ABCA13: variants seen among roughly 807,000 people sequenced by gnomAD.
The protein encoded by ABCA13 is ATP-binding cassette sub-family A member 13.
A neutral mutation model predicts 478.7 loss-of-function variants in ABCA13; 476 were observed. That is an observed-to-expected ratio of 0.99 (90% confidence interval 0.92 to 1.07). The LOEUF (loss-of-function observed/expected upper bound fraction) is 1.07, where lower values mean the gene tolerates loss of function less well. Ranked by LOEUF, ABCA13 falls within the 50% of genes least tolerant of loss-of-function variation. ABCA13 has a pLI of 0.00. For synonymous variants in ABCA13, 2,252 were observed against 2,158.9 expected (o/e 1.04, Z -1.20); for missense variants, 6,060 against 5,910.6 (o/e 1.03, Z -0.83).
chr7:48,241,417 C>G (rs1273952005), intron 10 of ABCA13, among the ~76,000 whole-genome samples: 3 of 152,214 alleles, frequency 2.0e-5, no homozygotes, highest in Admixed American at 6.5e-5. Context: ...ATGAGTAGCT[C>G]TTTTCCTAGA....
At chr7:48,639,355 A>AT (rs1794931113) in intron 59 of ABCA13, among the ~76,000 whole-genome samples, 1 of 152,190 alleles carries the variant, frequency 6.6e-6, no homozygotes, top group Non-Finnish European at 1.5e-5. Flanking sequence ...GATCACTGGA[A>AT]TTTGGTACTT....
At chr7:48,178,003 C>T (rs529965972) in intron 1 of ABCA13, among the ~76,000 whole-genome samples, 13 of 152,106 alleles carry the variant, frequency 8.5e-5, no homozygotes, top group Non-Finnish European at 1.3e-4. Flanking sequence ...GTTCAGAAAC[C>T]GAATTAATAA....
intron 1 of ABCA13, among the ~76,000 whole-genome samples, chr7:48,189,408 A>G (rs1025209007): frequency 6.6e-6 from 1 of 152,240 alleles, no homozygotes; most frequent in Non-Finnish European, 1.5e-5. Context: ...GTGTCTGGCT[A>G]CTTTTCTCTT....
intron 55 of ABCA13, among the ~76,000 whole-genome samples, chr7:48,533,251 G>T (rs6971823): frequency 0.067 from 10,258 of 152,002 alleles, 444 homozygotes; most frequent in African/African-American, 0.12. Context: ...TTTCATTGTT[G>T]ACCCAATGAT....
intron 55 of ABCA13, among the ~76,000 whole-genome samples, chr7:48,536,150 A>G (rs1000252386): frequency 2.0e-5 from 3 of 152,134 alleles, no homozygotes; most frequent in African/African-American, 7.2e-5. Context: ...CTTTCCCTCT[A>G]TGGTAACATC....
At chr7:48,397,888 A>C (rs1362105165) in intron 38 of ABCA13, among the ~76,000 whole-genome samples, 2 of 152,174 alleles carry the variant, frequency 1.3e-5, no homozygotes, top group Non-Finnish European at 2.9e-5. Flanking sequence ...TTTTATTTAA[A>C]TCATCCTTTC....
chr7:48,644,047 A>T (rs1795281919), intron 60 of ABCA13, among the ~76,000 whole-genome samples: 2 of 152,214 alleles, frequency 1.3e-5, no homozygotes, highest in African/African-American at 4.8e-5. Context: ...TAAAGTAGTT[A>T]TGTTCTATTT....
chr7:48,348,089 C>T (rs1808382970), intron 29 of ABCA13, among the ~76,000 whole-genome samples: 1 of 152,218 alleles, frequency 6.6e-6, no homozygotes, highest in African/African-American at 2.4e-5. Context: ...AAATGGGCAC[C>T]ATGCCAAGAT....
chr7:48,579,479 G>A (rs1788495601), intron 55 of ABCA13, among the ~76,000 whole-genome samples: 1 of 152,168 alleles, frequency 6.6e-6, no homozygotes, highest in Non-Finnish European at 1.5e-5. Flanking sequence ...ACCAAATGTT[G>A]ACAACAGTGT....
intron 43 of ABCA13, among the ~76,000 whole-genome samples, chr7:48,460,827 G>A (rs10268515): frequency 0.19 from 28,565 of 152,206 alleles, 3,109 homozygotes; most frequent in African/African-American, 0.29. Context: ...GATTGTTGGT[G>A]TATATTTGTT....
intron 59 of ABCA13, among the ~76,000 whole-genome samples, chr7:48,637,984 G>A (rs540178001): frequency 1.1e-4 from 17 of 152,256 alleles, no homozygotes; most frequent in Non-Finnish European, 1.8e-4. Flanking sequence ...TGGCATTGAA[G>A]GATGCACCAT....
At chr7:48,459,694 G>A (rs182672136) in intron 43 of ABCA13, among the ~76,000 whole-genome samples, 1 of 152,182 alleles carries the variant, frequency 6.6e-6, no homozygotes, top group East Asian at 1.9e-4. Context: ...TGTACCTTTA[G>A]TTCCTGCCAA....
chr7:48,338,479 A>C (rs746976204), intron 29 of ABCA13, 24 bp downstream of exon 29: 37 of 1,557,382 alleles, frequency 2.4e-5, no homozygotes, highest in Non-Finnish European at 3.0e-5. Flanking sequence ...TGGGCATGGT[A>C]GTGTTCTTCT....
intron 55 of ABCA13, among the ~76,000 whole-genome samples, chr7:48,530,028 A>C (rs928469587): frequency 5.9e-5 from 9 of 152,130 alleles, no homozygotes; most frequent in Non-Finnish European, 1.0e-4. Context: ...AGCAGTGTAC[A>C]CAGTACCTAA....
intron 7 of ABCA13, among the ~76,000 whole-genome samples, chr7:48,231,015 G>C (rs1788991377): frequency 1.3e-5 from 2 of 152,118 alleles, no homozygotes; most frequent in African/African-American, 4.8e-5. Flanking sequence ...TCGGGTCGGG[G>C]GAGAGGGGAG....
intron 59 of ABCA13, among the ~76,000 whole-genome samples, chr7:48,620,380 C>T (rs1793018991): frequency 6.6e-6 from 1 of 152,122 alleles, no homozygotes; most frequent in Admixed American, 6.5e-5. Flanking sequence ...TTAAATGTTC[C>T]TTGAGCAACC....
At chr7:48,411,396 G>A (rs1047058211) in intron 40 of ABCA13, among the ~76,000 whole-genome samples, 93 of 150,406 alleles carry the variant, frequency 6.2e-4, no homozygotes, top group African/African-American at 2.2e-3. Flanking sequence ...GCAACCTCCC[G>A]TTCCAGGTTC....
At chr7:48,233,917 C>A in intron 7 of ABCA13, 101 bp from the exon 8 acceptor site, 2 of 1,374,576 alleles carry the variant, frequency 1.5e-6, no homozygotes, top group South Asian at 1.4e-5. Flanking sequence ...TTCATTTGCT[C>A]TTCCTTTAGA....
chr7:48,515,328 T>C (rs1832025010), intron 51 of ABCA13, among the ~76,000 whole-genome samples: 1 of 152,210 alleles, frequency 6.6e-6, no homozygotes, highest in Non-Finnish European at 1.5e-5. Flanking sequence ...GAACCATCGT[T>C]CAAAGTGTAC....
Sources: gnomAD v4.1 joint callset for allele counts (sites outside exome capture counted in the v4.1 genomes callset) on GRCh38, gnomAD v4.1.1 for gene constraint, MANE v1.5 for transcripts, NCBI Gene and HGNC (gene_info 2026-07-23, HGNC 2026-07-21) for gene names.